The following KDM4B variants were observed in gnomAD, a reference collection of about 807,000 sequenced individuals.
KDM4B encodes lysine-specific demethylase 4B.
In KDM4B, 32 loss-of-function variants were observed where a neutral mutation model predicts 125.2. The observed-to-expected ratio is 0.26, with a 90% CI of 0.19 to 0.34. The LOEUF (loss-of-function observed/expected upper bound fraction) is 0.34, where lower values mean the gene tolerates loss of function less well. Among genes scored for constraint, KDM4B ranks in the 10% least tolerant of loss-of-function variants. The pLI, the probability that KDM4B is intolerant of heterozygous loss-of-function variation, is 1.00. For missense variants in KDM4B, 1,190 were observed against 1,577.7 expected, an observed-to-expected ratio of 0.75 and a Z score of 4.16; for synonymous variants, 721 against 677.9, an observed-to-expected ratio of 1.06 and a Z score of -0.99.
chr19:5,105,740 C>T (rs1288667184), intron 9 of KDM4B, among the ~76,000 whole-genome samples: 1 of 152,200 alleles, frequency 6.6e-6, no homozygotes, highest in Non-Finnish European at 1.5e-5. Flanking sequence ...TGAGCCAGCC[C>T]AAACTTATTG....
At position 5,144,277 on chromosome 19, in the gene KDM4B, C is replaced by T. The variant is rs2039798685; in HGVS notation, c.2766C>T (p.Gly922=). The change falls in exon 20 of 23, where the codon GGC becomes GGT. Residue 922 remains glycine, a synonymous_variant. Coordinates refer to ENST00000159111, the MANE Select transcript of KDM4B (RefSeq NM_015015.3). ...AVQLLRAVSL[G]QVVITKNRNG... The stretch of plus-strand genomic sequence containing the variant: ...AACTCCTGAGGGCCGTGTCCCTAGG[C>T]CAGGTGGTCATCACCAAGAACCGCA... 6.3e-7 allele frequency: 1 copy of T among 1,597,522 alleles called. No individual in the cohort carries two copies. The highest frequency in any genetic ancestry group is 1.1e-5 in the South Asian group (1 of 88,582).
chr19:5,070,865 T>A lies in KDM4B; in HGVS notation c.627-145T>A, dbSNP rs997690662. On this transcript the variant is annotated intron_variant, in intron 6 of 22. Coordinates refer to ENST00000159111, the MANE Select transcript of KDM4B (RefSeq NM_015015.3). Reference sequence around the variant, plus strand: ...TCCTGAAAGCCCCCACCCCCGGCCATCCCCTCCACACAGTCCTGACCATGA... The same window carrying A: ...TCCTGAAAGCCCCCACCCCCGGCCAACCCCTCCACACAGTCCTGACCATGA... 37 of 687,314 alleles carry A rather than the reference T, an allele frequency of 5.4e-5. No individual in the cohort carries two copies. The Admixed American group carries it at 1.2e-3, about 22-fold the overall frequency. 42.6% of individuals were successfully genotyped at this position (687,314 alleles called of 1,614,324 possible). A position where few individuals can be genotyped will look rare whatever the true frequency, so the allele number is the denominator to read the frequency against.
At position 4,997,678 on chromosome 19, in the gene KDM4B, G is replaced by T. The variant is rs567354942; in HGVS notation, c.-108-18579G>T. Among the ~76,000 whole-genome samples the T allele has an allele frequency of 5.3e-5, 8 of 152,324 alleles. No individual in the cohort carries two copies. The East Asian group carries it at 1.2e-3, about 22-fold the overall frequency. On this transcript the variant is annotated intron_variant, in intron 1 of 22. Coordinates refer to ENST00000159111, the MANE Select transcript of KDM4B (RefSeq NM_015015.3). The surrounding 1 kb of genome is among the most constrained non-coding windows in gnomAD (Gnocchi z 4.2). ...ATGCCAGGCACTCAGAGTCATCCCT[G>T]CCTCCTCGAGTTGGTGGGCTGGTCA...
In KDM4B at chr19:5,081,381, G is replaced by T. The variant is rs1321362887; in HGVS notation, c.781-986G>T. ...GCTTAGCAGTGAGCAGGGAGTGGGG[G>T]TCAGTGTGGCCATCTCGAGTGTCCC... On this transcript the variant is annotated intron_variant, in intron 8 of 22. Transcript: ENST00000159111. This position sits in a 1 kb window ranked among gnomAD's most constrained non-coding sequence, Gnocchi z 4.2. Among the ~76,000 whole-genome samples the T allele has an allele frequency of 6.6e-6, 1 of 152,170 alleles. No homozygotes were observed. The highest frequency in any genetic ancestry group is 1.9e-4 in the East Asian group (1 of 5,182).
chr19:5,119,667 G>A lies in KDM4B; in HGVS notation c.1130G>A (p.Arg377Gln), dbSNP rs2039323928. The change falls in exon 11 of 23, where the codon CGG becomes CAG. Residue 377 changes from arginine (R) to glutamine (Q), a missense_variant. Around this residue, in one of 7 missense-constraint regions of KDM4B, gnomAD observed 428 missense variants for 405.1 expected, o/e 1.06. Transcript: ENST00000159111. Reference protein sequence around the residue: ...AKLLRRSHRKRSQPKKPKPED... With the variant: ...AKLLRRSHRKQSQPKKPKPED... ...TCCCTCTCCAGGTCTCACCGGAAAC[G>A]GAGCCAGCCCAAGAAGCCGAAGCCC... 9 of 1,556,026 alleles carry A rather than the reference G, an allele frequency of 5.8e-6. No individual in the cohort carries two copies. Among genetic ancestry groups the A allele is most frequent in the Non-Finnish European group, 7.8e-6 (9 of 1,149,434 alleles).
At chr19:4,989,941 C>T (rs903754487) in intron 1 of KDM4B, among the ~76,000 whole-genome samples, 1 of 152,180 alleles carries the variant, frequency 6.6e-6, no homozygotes, top group Non-Finnish European at 1.5e-5. Context: ...GCGTGAGCCA[C>T]GGTGTCTGAC....
chr19:4,986,946 TTTTTA>T (rs1279079321), intron 1 of KDM4B, among the ~76,000 whole-genome samples: 1 of 152,028 alleles, frequency 6.6e-6, no homozygotes, highest in African/African-American at 2.4e-5. Context: ...CCTTTTTTTA[TTTTTA>T]TTTTATTTTA....
intron 1 of KDM4B, among the ~76,000 whole-genome samples, chr19:4,980,956 C>CGGGGGGGGGA (rs2034619194): frequency 1.3e-5 from 1 of 74,290 alleles, no homozygotes; most frequent in Non-Finnish European, 2.7e-5. Flanking sequence ...CTGGGGTGGG[C>CGGGGGGGGGA]GGGGTCAGCT....
rs558344489 is a variant in KDM4B, at chr19:5,136,632, C to T, written c.2309-630C>T. Among the ~76,000 whole-genome samples, 18 of 152,210 alleles carry T rather than the reference C, an allele frequency of 1.2e-4. No homozygotes were observed. In the East Asian group the frequency reaches 3.1e-3, roughly 26 times the overall value. On this transcript the variant is annotated intron_variant, in intron 15 of 22. Transcript: ENST00000159111. Reference sequence around the variant, plus strand: ...GCCCCAGCCAGGCTACCCCAGCAGACGCCCCCACCCCCAGCCGTGCCCACC... The same window carrying T: ...GCCCCAGCCAGGCTACCCCAGCAGATGCCCCCACCCCCAGCCGTGCCCACC...
chr19:5,144,962 G>A, intron 21 of KDM4B, 60 bp downstream of exon 21: 1 of 1,605,548 alleles, frequency 6.2e-7, no homozygotes, highest in East Asian at 2.2e-5. Context: ...GTAGGTGCGG[G>A]GACAGGAGGA....
At chr19:5,121,134 A>T (rs1489173316) in intron 11 of KDM4B, among the ~76,000 whole-genome samples, 1 of 152,182 alleles carries the variant, frequency 6.6e-6, no homozygotes, top group Non-Finnish European at 1.5e-5. Flanking sequence ...GTACTCCAGG[A>T]GGCAGGCACG....
intron 6 of KDM4B, 111 bp downstream of exon 6, chr19:5,047,780 G>C: frequency 9.7e-7 from 1 of 1,033,914 alleles, no homozygotes; most frequent in Non-Finnish European, 1.4e-6. Flanking sequence ...AGGTGAGGCC[G>C]CAAAGGTCGG....
intron 14 of KDM4B, among the ~76,000 whole-genome samples, chr19:5,135,071 A>C (rs1568319320): frequency 6.6e-6 from 1 of 152,182 alleles, no homozygotes; most frequent in East Asian, 1.9e-4. Context: ...CAGGGGCCAC[A>C]CAGGCCAGCC....
intron 6 of KDM4B, among the ~76,000 whole-genome samples, chr19:5,059,398 C>T (rs932580250): frequency 5.9e-5 from 9 of 152,328 alleles, no homozygotes; most frequent in Non-Finnish European, 8.8e-5. Context: ...AGCCTCCCGC[C>T]GAGGGCTCGG....
At chr19:5,023,431 C>T (rs1048530889) in intron 2 of KDM4B, among the ~76,000 whole-genome samples, 3 of 152,216 alleles carry the variant, frequency 2.0e-5, no homozygotes, top group African/African-American at 7.2e-5. Context: ...TCTCGTGCTG[C>T]CTCTGTGGCC....
At chr19:5,087,138 CG>C (rs2038530235) in intron 9 of KDM4B, among the ~76,000 whole-genome samples, 1 of 152,238 alleles carries the variant, frequency 6.6e-6, no homozygotes, top group Non-Finnish European at 1.5e-5. Flanking sequence ...GGCCTAAACA[CG>C]GCCTCATTCA....
chr19:5,014,640 C>G (rs538269853), intron 1 of KDM4B, among the ~76,000 whole-genome samples: 2 of 152,218 alleles, frequency 1.3e-5, no homozygotes, highest in South Asian at 4.1e-4. Flanking sequence ...GACTCCTGGC[C>G]TCAAGTGATC....
chr19:4,993,899 A>G (rs1236141877), intron 1 of KDM4B, among the ~76,000 whole-genome samples: 1 of 151,736 alleles, frequency 6.6e-6, no homozygotes, highest in Admixed American at 6.6e-5. Context: ...GGCATGAGTC[A>G]TTATACCACA....
chr19:5,052,237 C>T (rs2037250385), intron 6 of KDM4B, among the ~76,000 whole-genome samples: 1 of 152,028 alleles, frequency 6.6e-6, no homozygotes, highest in African/African-American at 2.4e-5. Flanking sequence ...GCCAGGGAAA[C>T]TTGAGTCCTA....
Sources: gnomAD v4.1 joint callset for allele counts (sites outside exome capture counted in the v4.1 genomes callset) on GRCh38, gnomAD v4.1.1 for gene constraint, gnomAD v4.1.1 regional missense constraint, Gnocchi (gnomAD v3.1) non-coding constraint, MANE v1.5 for transcripts, NCBI Gene and HGNC (gene_info 2026-07-23, HGNC 2026-07-21) for gene names.